Variants in ITGAE observed in about 807,000 individuals in gnomAD.
The protein encoded by ITGAE is integrin subunit alpha E, also known as integrin alpha-E.
Under a neutral mutation model 136.5 loss-of-function variants are expected in ITGAE, and 99 were observed. That is an observed-to-expected ratio of 0.73 (90% CI 0.62 to 0.86). The LOEUF (loss-of-function observed/expected upper bound fraction) is 0.86. ITGAE is among the 40% of genes least tolerant of loss of function. ITGAE has a pLI of 0.00. For synonymous variants in ITGAE, 613 were observed against 591.8 expected, an observed-to-expected ratio of 1.04 and a Z score of -0.52; for missense variants, 1,447 against 1,515.3, an observed-to-expected ratio of 0.95 and a Z score of 0.75.
intron 1 of ITGAE, among the ~76,000 whole-genome samples, chr17:3,797,140 AATATATATATATAT>A (rs10538298): frequency 2.8e-5 from 2 of 71,010 alleles, no homozygotes; most frequent in East Asian, 3.1e-4. Flanking sequence ...CTGGAAACTA[AATATATATATATAT>A]ATATTTTTTT....
At chr17:3,789,465 C>T (rs1197919792) in intron 1 of ITGAE, among the ~76,000 whole-genome samples, 2 of 141,828 alleles carry the variant, frequency 1.4e-5, no homozygotes, top group Admixed American at 7.0e-5. Flanking sequence ...CCCCTCCCTC[C>T]CTCCCTCCCT....
intron 26 of ITGAE, chr17:3,724,233 C>G: frequency 1.3e-6 from 2 of 1,593,660 alleles, no homozygotes; most frequent in Non-Finnish European, 1.7e-6. Context: ...GACCCCAAAG[C>G]GCTGGAAGCT....
chr17:3,720,834 C>G (rs373065816), intron 28 of ITGAE, among the ~76,000 whole-genome samples: 2 of 151,902 alleles, frequency 1.3e-5, no homozygotes, highest in Admixed American at 6.6e-5. Context: ...CTACCCACCT[C>G]GGCCTCCCAA....
At chr17:3,766,853 GTGT>G (rs2052312395) in intron 2 of ITGAE, among the ~76,000 whole-genome samples, 1 of 149,706 alleles carries the variant, frequency 6.7e-6, no homozygotes, top group Admixed American at 6.7e-5. Context: ...TAATAAACCT[GTGT>G]TGTTGTAAGC....
At chr17:3,737,921 T>C (rs757164686) in intron 20 of ITGAE, among the ~76,000 whole-genome samples, 28 of 152,188 alleles carry the variant, frequency 1.8e-4, no homozygotes, top group Non-Finnish European at 3.4e-4. Context: ...CTACCCCCAG[T>C]AGCTGGCTGG....
intron 16 of ITGAE, among the ~76,000 whole-genome samples, chr17:3,749,648 G>A (rs185404997): frequency 6.6e-5 from 10 of 152,176 alleles, no homozygotes; most frequent in African/African-American, 9.6e-5. Flanking sequence ...TGGAGAGGAC[G>A]GGACAGACGG....
intron 20 of ITGAE, among the ~76,000 whole-genome samples, chr17:3,737,878 G>A (rs2051494881): frequency 6.6e-6 from 1 of 152,148 alleles, no homozygotes; most frequent in Non-Finnish European, 1.5e-5. Context: ...ACTAGGGGGC[G>A]ATGTAGGGCA....
At position 3,724,860 on chromosome 17, in the gene ITGAE, G is replaced by A. The variant is rs952579957; in HGVS notation, c.3085-1116C>T. 3.1e-6 allele frequency: 5 copies of A among 1,613,884 alleles called. No individual in the cohort carries two copies. In the African/African-American group the frequency reaches 5.3e-5, roughly 17 times the overall value. ...TCAAGAGAGAGGGCTTCAAGAGGCC[G>A]TCCGGAGAGAGCATCAGGAGGCCAG... is the stretch of plus-strand genomic sequence containing the variant. On this transcript the variant is annotated intron_variant, in intron 26 of 30. Transcript: ENST00000263087.
At chr17:3,730,136 C>T (rs1048231234) in intron 23 of ITGAE, among the ~76,000 whole-genome samples, 7 of 152,094 alleles carry the variant, frequency 4.6e-5, no homozygotes, top group African/African-American at 1.7e-4. Context: ...CCTGGCTCCC[C>T]AGGGTCACTG....
At chr17:3,731,014 A>AG in intron 23 of ITGAE, 90 bp downstream of exon 23, 1 of 1,037,842 alleles carries the variant, frequency 9.6e-7, no homozygotes, top group East Asian at 2.4e-5. Context: ...CTGGGCTGTA[A>AG]GGGGGCCGTT....
chr17:3,747,839 CAGT>C, intron 17 of ITGAE, 80 bp downstream of exon 17: 3 of 333,010 alleles, frequency 9.0e-6, no homozygotes, highest in Non-Finnish European at 1.2e-5. Flanking sequence ...CCCCCCGCCC[CAGT>C]CCTCTTTCCC....
intron 1 of ITGAE, 89 bp from the exon 2 acceptor site, chr17:3,777,749 A>G (rs1276320172): frequency 5.6e-6 from 8 of 1,441,008 alleles, no homozygotes; most frequent in South Asian, 5.3e-5. Context: ...CCCGTTTTAC[A>G]GCTGAGAAAA....
intron 5 of ITGAE, 77 bp downstream of exon 5, chr17:3,761,326 G>A (rs947754313): frequency 6.5e-5 from 100 of 1,542,028 alleles, no homozygotes; most frequent in Non-Finnish European, 8.0e-5. Context: ...TGCATCTGCC[G>A]TGAGCTGGTG....
In ITGAE at chr17:3,757,826, C is replaced by T. The variant is rs1424126898; in HGVS notation, c.900G>A (p.Arg300=). 3 of 1,614,168 alleles carry T rather than the reference C, an allele frequency of 1.9e-6. No homozygotes were observed. The highest frequency in any genetic ancestry group is 1.7e-6 in the Non-Finnish European group (2 of 1,180,044). Residue 300 remains arginine (R), a synonymous_variant, in exon 9 of 31, where the codon AGG becomes AGA. Transcript: ENST00000263087. ...DSIFTSSHGS[R]RKASKVMVVL... ...CCACCATGACCTTGGATGCCTTTCT[C>T]CTGGAGCCGTGGCTTGAGGTGAAGA...
chr17:3,729,473 C>G lies in ITGAE; in HGVS notation c.2912+5G>C. ...CACCGCTGCTGGCCTCTTGGGAGTA[C>G]TCACTTGGACAGAACTGCAACGAAG... is the stretch of plus-strand genomic sequence containing the variant. On this transcript the variant is annotated splice_donor_5th_base_variant and intron_variant, in intron 24 of 30. Transcript: ENST00000263087. 1 of 1,596,498 alleles carries G rather than the reference C, an allele frequency of 6.3e-7. No individual in the cohort carries two copies. Among genetic ancestry groups the G allele is most frequent in the Non-Finnish European group, 8.6e-7 (1 of 1,163,922 alleles).
chr17:3,738,516 C>T (rs575013627), intron 20 of ITGAE, among the ~76,000 whole-genome samples: 1 of 152,282 alleles, frequency 6.6e-6, no homozygotes, highest in East Asian at 1.9e-4. Context: ...CACTCATGTG[C>T]TTGGCAACAC....
chr17:3,793,972 CCTT>C (rs1170538226), intron 1 of ITGAE, among the ~76,000 whole-genome samples: 4 of 125,322 alleles, frequency 3.2e-5, no homozygotes, highest in African/African-American at 1.3e-4. Context: ...TCCTCTTCAT[CCTT>C]TTTTTTTTTT....
chr17:3,724,285 G>T, intron 26 of ITGAE: 1 of 1,588,258 alleles, frequency 6.3e-7, no homozygotes. Flanking sequence ...AGACGCCTGG[G>T]GCTGCGAGCT....
chr17:3,769,749 T>C (rs2052376706), intron 2 of ITGAE, among the ~76,000 whole-genome samples: 1 of 152,168 alleles, frequency 6.6e-6, no homozygotes, highest in African/African-American at 2.4e-5. Flanking sequence ...AGTGGCGTGA[T>C]CTCGGCTCAC....
Sources: allele counts gnomAD v4.1 joint callset (sites outside exome capture counted in the v4.1 genomes callset), GRCh38; gene constraint gnomAD v4.1.1; transcripts MANE v1.5; gene names NCBI Gene and HGNC (gene_info 2026-07-23, HGNC 2026-07-21).